MSANTD5: variants seen among roughly 807,000 people sequenced by gnomAD.
MSANTD5 encodes Myb/SANT DNA binding domain containing 5.
the MSANTD5 span, among the ~76,000 whole-genome samples, chr5:178,702,855 C>T: frequency 6.6e-5 from 10 of 152,264 alleles, no homozygotes; most frequent in South Asian, 4.1e-4. Context: ...CCTCGGCCTC[C>T]CAAAGTGCTG....
chr5:178,698,243 C>T (rs950941158), upstream of MSANTD5, among the ~76,000 whole-genome samples: 3 of 152,114 alleles, frequency 2.0e-5, no homozygotes, highest in East Asian at 3.9e-4. Context: ...ACAGAGCTTT[C>T]GCTTTACAAG....
At chr5:178,706,193 C>T in the MSANTD5 span, among the ~76,000 whole-genome samples, 2 of 152,110 alleles carry the variant, frequency 1.3e-5, no homozygotes, top group African/African-American at 4.8e-5. Context: ...GTTGAACCAA[C>T]ATTGGACTTC....
downstream of MSANTD5, among the ~76,000 whole-genome samples, chr5:178,693,030 G>T (rs1765372514): frequency 6.6e-6 from 1 of 151,912 alleles, no homozygotes; most frequent in Admixed American, 6.5e-5. Context: ...AAGACCACGG[G>T]CTGGGTTCGT....
chr5:178,692,807 C>T (rs935274158), downstream of MSANTD5, among the ~76,000 whole-genome samples: 2 of 151,904 alleles, frequency 1.3e-5, no homozygotes, highest in Non-Finnish European at 2.9e-5. Context: ...ACGTGCATGT[C>T]CCTCATAAAG....
the MSANTD5 span, among the ~76,000 whole-genome samples, chr5:178,704,429 G>GA: frequency 6.6e-6 from 1 of 152,190 alleles, no homozygotes; most frequent in African/African-American, 2.4e-5. Context: ...GAAGGAGCTA[G>GA]AAGGCACCTT....
chr5:178,701,178 T>C (rs952940607), upstream of MSANTD5, among the ~76,000 whole-genome samples: 1 of 152,066 alleles, frequency 6.6e-6, no homozygotes, highest in African/African-American at 2.4e-5. Flanking sequence ...GGGGTTTCAC[T>C]GTGTTAGCCA....
chr5:178,703,271 G>A, the MSANTD5 span, among the ~76,000 whole-genome samples: 49 of 152,336 alleles, frequency 3.2e-4, no homozygotes, highest in African/African-American at 9.9e-4. Flanking sequence ...GCAGGGTCCC[G>A]TGTCAGGGTG....
At chr5:178,697,373 G>A (rs1390868558) in intron 1 of MSANTD5, among the ~76,000 whole-genome samples, 2 of 152,104 alleles carry the variant, frequency 1.3e-5, no homozygotes, top group African/African-American at 4.8e-5. Context: ...AGAATGGCCT[G>A]AACCCGGGAG....
At chr5:178,700,314 T>G (rs967006602), upstream of MSANTD5, among the ~76,000 whole-genome samples, 2 of 152,138 alleles carry the variant, frequency 1.3e-5, no homozygotes, top group Non-Finnish European at 2.9e-5. Context: ...GTGAATCCCG[T>G]GATAGGACAG....
chr5:178,697,360 A>G (rs765277940), intron 1 of MSANTD5, among the ~76,000 whole-genome samples: 26 of 152,026 alleles, frequency 1.7e-4, no homozygotes, highest in African/African-American at 4.8e-4. Context: ...AGGCTGAGGC[A>G]GGAGAATGGC....
upstream of MSANTD5, among the ~76,000 whole-genome samples, chr5:178,700,508 C>G (rs146646928): frequency 3.8e-3 from 580 of 152,318 alleles, 8 homozygotes; most frequent in African/African-American, 0.014. Context: ...ATGAACTACA[C>G]TGAGTCCAGG....
chr5:178,702,717 C>T, the MSANTD5 span, among the ~76,000 whole-genome samples: 2 of 152,040 alleles, frequency 1.3e-5, no homozygotes, highest in African/African-American at 4.8e-5. Context: ...TCTGCCTCAG[C>T]CTCCCGAGTA....
intron 1 of MSANTD5, among the ~76,000 whole-genome samples, chr5:178,697,243 A>G (rs914710493): frequency 1.3e-5 from 2 of 151,400 alleles, no homozygotes; most frequent in South Asian, 2.1e-4. Flanking sequence ...TCACGAGGTC[A>G]GGAGATCGAG....
chr5:178,706,346 C>T, the MSANTD5 span, among the ~76,000 whole-genome samples: 1 of 152,110 alleles, frequency 6.6e-6, no homozygotes, highest in African/African-American at 2.4e-5. Context: ...CCACTTGTAA[C>T]TGAATTTCCC....
upstream of MSANTD5, among the ~76,000 whole-genome samples, chr5:178,699,869 C>A (rs1199969940): frequency 1.3e-5 from 2 of 151,238 alleles, no homozygotes; most frequent in East Asian, 3.8e-4. Flanking sequence ...AAGCCTGTTT[C>A]TGTGGCTTCT....
upstream of MSANTD5, among the ~76,000 whole-genome samples, chr5:178,699,937 T>TCTAAGAGGGACCCTGCTTA (rs58269048): frequency 6.8e-6 from 1 of 146,788 alleles, no homozygotes; most frequent in Admixed American, 6.7e-5. Flanking sequence ...TTCTGTGGCT[T>TCTAAGAGGGACCCTGCTTA]TCCAGCACAG....
upstream of MSANTD5, among the ~76,000 whole-genome samples, chr5:178,702,105 G>T (rs918468622): frequency 1.3e-5 from 2 of 150,278 alleles, no homozygotes; most frequent in Non-Finnish European, 3.0e-5. Flanking sequence ...AATAAAAAAA[G>T]AAATGGGACA....
the MSANTD5 span, among the ~76,000 whole-genome samples, chr5:178,703,322 G>A: frequency 1.4e-4 from 21 of 152,206 alleles, no homozygotes; most frequent in Non-Finnish European, 2.4e-4. Flanking sequence ...CGCTTGGCTT[G>A]CATGAGTCAC....
chr5:178,698,506 T>G (rs760138832), upstream of MSANTD5, among the ~76,000 whole-genome samples: 2 of 152,172 alleles, frequency 1.3e-5, no homozygotes, highest in Non-Finnish European at 2.9e-5. Flanking sequence ...ATCCTAAGAT[T>G]CACAGCTTTT....
Sources: allele counts gnomAD v4.1 joint callset (sites outside exome capture counted in the v4.1 genomes callset), GRCh38; gene constraint gnomAD v4.1.1; transcripts MANE v1.5; gene names NCBI Gene and HGNC (gene_info 2026-07-23, HGNC 2026-07-21).